The following ANKS1B variants were observed in gnomAD, a reference collection of about 807,000 sequenced individuals.
ANKS1B encodes the protein ankyrin repeat and sterile alpha motif domain containing 1B.
In ANKS1B, 36 loss-of-function variants were observed where a neutral mutation model predicts 148.3. That is an observed-to-expected ratio of 0.24 (90% confidence interval 0.19 to 0.32). The LOEUF (loss-of-function observed/expected upper bound fraction) is 0.32, where lower values mean the gene tolerates loss of function less well. Ranked by LOEUF, ANKS1B falls within the 10% of genes least tolerant of loss-of-function variation. The probability of loss-of-function intolerance (pLI) is 1.00; values close to 1 mark genes in which losing one functional copy is unlikely to be tolerated. For missense variants in ANKS1B, 1,157 were observed against 1,542.6 expected, an observed-to-expected ratio of 0.75 and a Z score of 4.19; for synonymous variants, 542 against 560.8, an observed-to-expected ratio of 0.97 and a Z score of 0.47.
intron 17 of ANKS1B, among the ~76,000 whole-genome samples, chr12:98,864,395 C>T (rs1276435279): frequency 6.6e-6 from 1 of 152,172 alleles, no homozygotes; most frequent in Non-Finnish European, 1.5e-5. Flanking sequence ...TGTGTCTACT[C>T]AGCTAGATCA....
At position 99,139,446 on chromosome 12, in the gene ANKS1B, T is replaced by TTCTTTCTTTCTTTCTC. The variant is rs1566380416; in HGVS notation, c.2526+14842_2526+14843insGAGAAAGAAAGAAAGA. ...TCTTTCTTTCTTTCTTTCTTTTTCT[T>TTCTTTCTTTCTTTCTC]TCTTTCTTTCTTTCAAGATAGGAGT... On this transcript the variant is annotated intron_variant, in intron 15 of 26. Coordinates refer to ENST00000683438, the MANE Select transcript of ANKS1B (RefSeq NM_001352186.2). Among the ~76,000 whole-genome samples the TTCTTTCTTTCTTTCTC allele has an allele frequency of 1.9e-4, 13 of 68,988 alleles. 3 individuals are homozygous for TTCTTTCTTTCTTTCTC. Among genetic ancestry groups the TTCTTTCTTTCTTTCTC allele is most frequent in the African/African-American group, 1.1e-3 (13 of 12,222 alleles). 45.3% of individuals were successfully genotyped at this position (68,988 alleles called of 152,430 possible). A position where few individuals can be genotyped will look rare whatever the true frequency, so the allele number is the denominator to read the frequency against.
intron 17 of ANKS1B, among the ~76,000 whole-genome samples, chr12:98,943,679 A>G (rs1432727983): frequency 1.3e-5 from 2 of 152,192 alleles, no homozygotes; most frequent in Non-Finnish European, 2.9e-5. Flanking sequence ...GATTAAGCCC[A>G]GCAAAATAAT....
At chr12:99,669,783 C>G (rs1599287247) in intron 8 of ANKS1B, among the ~76,000 whole-genome samples, 1 of 152,112 alleles carries the variant, frequency 6.6e-6, no homozygotes, top group Non-Finnish European at 1.5e-5. Flanking sequence ...TGTTCCTCTG[C>G]CTGAAAATTC....
intron 12 of ANKS1B, among the ~76,000 whole-genome samples, chr12:99,309,352 G>A (rs2082821595): frequency 6.6e-6 from 1 of 151,850 alleles, no homozygotes; most frequent in South Asian, 2.1e-4. Context: ...CTCCTACTGA[G>A]TTAATGTTAT....
At chr12:99,207,618 T>C (rs2082839788) in intron 14 of ANKS1B, among the ~76,000 whole-genome samples, 1 of 152,088 alleles carries the variant, frequency 6.6e-6, no homozygotes, top group Non-Finnish European at 1.5e-5. Flanking sequence ...ATTGCTTACT[T>C]CTTAAGATTC....
intron 9 of ANKS1B, among the ~76,000 whole-genome samples, chr12:99,536,990 T>TA (rs1337981787): frequency 2.0e-5 from 3 of 152,172 alleles, no homozygotes; most frequent in Non-Finnish European, 4.4e-5. Flanking sequence ...ATCCCACAAA[T>TA]AAACAAAAAC....
chr12:99,100,669 A>G (rs1032251256), intron 15 of ANKS1B, among the ~76,000 whole-genome samples: 1 of 152,170 alleles, frequency 6.6e-6, no homozygotes, highest in Non-Finnish European at 1.5e-5. Context: ...AGCTGGGATT[A>G]CAGGCACATG....
chr12:99,926,477 T>C (rs536739091), intron 1 of ANKS1B, among the ~76,000 whole-genome samples: 1 of 152,282 alleles, frequency 6.6e-6, no homozygotes, highest in African/African-American at 2.4e-5. Context: ...CAACTGCCTT[T>C]AAAATGGGAT....
intron 8 of ANKS1B, chr12:99,772,609 T>G (rs898557866): frequency 2.7e-5 from 5 of 185,286 alleles, no homozygotes; most frequent in Non-Finnish European, 5.5e-5. Flanking sequence ...TGTCTTTTTT[T>G]GGGAACCAAC....
chr12:99,380,847 A>C (rs2093616734), intron 12 of ANKS1B, among the ~76,000 whole-genome samples: 1 of 151,534 alleles, frequency 6.6e-6, no homozygotes, highest in South Asian at 2.1e-4. Context: ...CAGTTCATTT[A>C]CTAACACCAT....
At chr12:99,282,872 A>G (rs1302825734) in intron 12 of ANKS1B, among the ~76,000 whole-genome samples, 1 of 152,176 alleles carries the variant, frequency 6.6e-6, no homozygotes, top group Non-Finnish European at 1.5e-5. Flanking sequence ...TCAAGTAGGC[A>G]GCTGAATACA....
chr12:99,310,863 T>G (rs1427500127), intron 12 of ANKS1B, among the ~76,000 whole-genome samples: 1 of 152,188 alleles, frequency 6.6e-6, no homozygotes, highest in African/African-American at 2.4e-5. Context: ...CCAGATTGGT[T>G]AGGTTTGAAT....
chr12:99,151,473 G>A (rs1011882099), intron 15 of ANKS1B, among the ~76,000 whole-genome samples: 4 of 151,562 alleles, frequency 2.6e-5, no homozygotes, highest in African/African-American at 9.7e-5. Flanking sequence ...GGCTGCAGGG[G>A]GCTGAGATCA....
chr12:99,013,008 T>A (rs2099940349), intron 17 of ANKS1B, among the ~76,000 whole-genome samples: 1 of 152,170 alleles, frequency 6.6e-6, no homozygotes, highest in South Asian at 2.1e-4. Flanking sequence ...AAAATACTTG[T>A]GGAGTGCATG....
chr12:99,273,416 A>T (rs73381163), intron 12 of ANKS1B, among the ~76,000 whole-genome samples: 1 of 152,152 alleles, frequency 6.6e-6, no homozygotes, highest in African/African-American at 2.4e-5. Flanking sequence ...TCTTTCTGAC[A>T]TAAGTCTTTG....
intron 17 of ANKS1B, among the ~76,000 whole-genome samples, chr12:99,024,894 C>T: frequency 6.6e-6 from 1 of 152,136 alleles, no homozygotes; most frequent in East Asian, 1.9e-4. Flanking sequence ...TAGTTTAGAG[C>T]CTGCAGTTAT....
chr12:98,895,008 C>CGGCG, intron 17 of ANKS1B: 1 of 817,806 alleles, frequency 1.2e-6, no homozygotes, highest in Non-Finnish European at 1.5e-6. Context: ...GCGGCGGCGG[C>CGGCG]GCGTCCTCCC....
intron 9 of ANKS1B, among the ~76,000 whole-genome samples, chr12:99,525,876 C>CAT (rs1343101119): frequency 6.6e-6 from 1 of 151,574 alleles, no homozygotes; most frequent in Non-Finnish European, 1.5e-5. Flanking sequence ...ACTAAAATAT[C>CAT]ATAAAGATCA....
chr12:99,773,057 G>C lies in ANKS1B; in HGVS notation c.993C>G (p.Leu331=), dbSNP rs762158909. Residue 331 remains leucine (L), a synonymous_variant, in exon 8 of 27, where the codon CTC becomes CTG. Transcript: ENST00000683438. ...CTTGACAGAGTTTTATTTCATCCAA[G>C]AGTTTTGATAATTCTCCAGTGACGG... ...SETVTGELSK[L]LDEIKLCQEK... is the part of the protein sequence containing the mutation. The C allele has an allele frequency of 6.2e-7, 1 of 1,608,184 alleles. No homozygotes were observed. Among genetic ancestry groups the C allele is most frequent in the South Asian group, 1.1e-5 (1 of 90,086 alleles).
Sources: gnomAD v4.1 joint callset for allele counts (sites outside exome capture counted in the v4.1 genomes callset) on GRCh38, gnomAD v4.1.1 for gene constraint, MANE v1.5 for transcripts, NCBI Gene and HGNC (gene_info 2026-07-23, HGNC 2026-07-21) for gene names.